QTGAL: variants seen among roughly 807,000 people sequenced by gnomAD.
The protein encoded by QTGAL is BGnT-like protein 1.
At chr17:83,029,968 T>C in the QTGAL span, among the ~76,000 whole-genome samples, 8 of 152,208 alleles carry the variant, frequency 5.3e-5, no homozygotes, top group African/African-American at 1.4e-4. Flanking sequence ...ACTGTCTTGG[T>C]AAATTCCTTT....
chr17:83,026,607 T>C, the QTGAL span, among the ~76,000 whole-genome samples: 5 of 144,626 alleles, frequency 3.5e-5, no homozygotes, highest in African/African-American at 1.4e-4. Flanking sequence ...AAACCCACCA[T>C]CGACCGATAC....
chr17:82,965,226 G>GC, the QTGAL span, among the ~76,000 whole-genome samples: 1 of 150,770 alleles, frequency 6.6e-6, no homozygotes, highest in African/African-American at 2.4e-5. Flanking sequence ...ATGGACGCCT[G>GC]CAGGTGCACC....
the QTGAL span, among the ~76,000 whole-genome samples, chr17:83,031,599 G>A: frequency 1.3e-5 from 2 of 152,222 alleles, no homozygotes; most frequent in Admixed American, 1.3e-4. Flanking sequence ...GCCTTCCACA[G>A]CCTTTCCAAG....
the QTGAL span, among the ~76,000 whole-genome samples, chr17:82,997,691 T>A: frequency 4.6e-5 from 7 of 152,090 alleles, no homozygotes; most frequent in Non-Finnish European, 7.4e-5. Context: ...CACAATGAAG[T>A]GTATGAATGA....
At chr17:82,979,479 C>T in the QTGAL span, 16 of 152,188 alleles carry the variant, frequency 1.1e-4, no homozygotes, top group African/African-American at 2.4e-4. Context: ...TGTAAGTTAG[C>T]AGTGGACAAT....
chr17:83,007,640 G>A, the QTGAL span, among the ~76,000 whole-genome samples: 1 of 152,096 alleles, frequency 6.6e-6, no homozygotes, highest in African/African-American at 2.4e-5. Flanking sequence ...CATGAGAGGC[G>A]CCTCTCGGAC....
chr17:83,024,666 G>A, the QTGAL span, among the ~76,000 whole-genome samples: 11 of 152,376 alleles, frequency 7.2e-5, no homozygotes, highest in South Asian at 1.4e-3. Flanking sequence ...ACACGCCCCC[G>A]GGGCTGAGAC....
the QTGAL span, among the ~76,000 whole-genome samples, chr17:82,983,386 C>G: frequency 2.0e-5 from 3 of 152,108 alleles, no homozygotes; most frequent in Non-Finnish European, 2.9e-5. Context: ...CTCTACCATC[C>G]TGGGGGGAAG....
At chr17:83,027,508 C>A in the QTGAL span, among the ~76,000 whole-genome samples, 2 of 152,080 alleles carry the variant, frequency 1.3e-5, no homozygotes, top group African/African-American at 4.8e-5. Context: ...TTGGACTTCA[C>A]TGATGTTAAC....
the QTGAL span, chr17:82,957,180 C>T: frequency 6.2e-7 from 1 of 1,614,202 alleles, no homozygotes; most frequent in Non-Finnish European, 8.5e-7. Flanking sequence ...GCCCTGCACA[C>T]CTGAGAGTCC....
At chr17:82,964,884 G>A in the QTGAL span, among the ~76,000 whole-genome samples, 2 of 103,446 alleles carry the variant, frequency 1.9e-5, no homozygotes, top group African/African-American at 3.7e-5. Context: ...CGGGGGGGAC[G>A]GTGACACGGA....
the QTGAL span, among the ~76,000 whole-genome samples, chr17:82,960,005 GT>G: frequency 6.6e-6 from 1 of 152,316 alleles, no homozygotes; most frequent in South Asian, 2.1e-4. Context: ...TGGAAACCCA[GT>G]TTTTCCCAAA....
the QTGAL span, among the ~76,000 whole-genome samples, chr17:83,010,051 TG>T: frequency 1.3e-4 from 4 of 30,490 alleles, no homozygotes; most frequent in African/African-American, 2.8e-4. Context: ...GGCGGGGGGC[TG>T]GGGGGGCTGT....
At chr17:82,947,061 G>T in the QTGAL span, 2 of 1,304,354 alleles carry the variant, frequency 1.5e-6, no homozygotes, top group African/African-American at 1.5e-5. Context: ...CCAGGGCCAG[G>T]GGTTGGGGGT....
chr17:83,034,284 A>G, the QTGAL span, among the ~76,000 whole-genome samples: 14 of 152,302 alleles, frequency 9.2e-5, no homozygotes, highest in South Asian at 2.3e-3. Flanking sequence ...CAGTAAGGTT[A>G]TTCATCTTTT....
the QTGAL span, among the ~76,000 whole-genome samples, chr17:83,036,480 G>A: frequency 6.6e-6 from 1 of 152,232 alleles, no homozygotes; most frequent in Admixed American, 6.5e-5. Flanking sequence ...GTAAGACTGT[G>A]ATGTGCACTT....
the QTGAL span, among the ~76,000 whole-genome samples, chr17:82,996,471 G>A: frequency 1.1e-4 from 16 of 149,284 alleles, no homozygotes; most frequent in Admixed American, 2.0e-4. Context: ...GCAGTGAGCC[G>A]AGAACGCGCG....
At chr17:82,970,514 T>TCCTCCGCACCCAGCGTGGACATGA in the QTGAL span, among the ~76,000 whole-genome samples, 3 of 56,660 alleles carry the variant, frequency 5.3e-5, no homozygotes, top group African/African-American at 1.9e-4. Flanking sequence ...CAAACACAGG[T>TCCTCCGCACCCAGCGTGGACATGA]CCTCCCCACC....
chr17:82,956,482 C>G, the QTGAL span, among the ~76,000 whole-genome samples: 1 of 152,230 alleles, frequency 6.6e-6, no homozygotes, highest in Non-Finnish European at 1.5e-5. The surrounding 1 kb of genome is among the most constrained non-coding windows in gnomAD (Gnocchi z 5.7). Context: ...GCAGGCCACC[C>G]TCTCCAGCTG....
Sources: allele counts gnomAD v4.1 joint callset (sites outside exome capture counted in the v4.1 genomes callset), GRCh38; gene constraint gnomAD v4.1.1; non-coding constraint Gnocchi (gnomAD v3.1); transcripts MANE v1.5; gene names NCBI Gene and HGNC (gene_info 2026-07-23, HGNC 2026-07-21).